NDST3: variants seen among roughly 807,000 people sequenced by gnomAD.
NDST3 encodes the protein N-deacetylase and N-sulfotransferase 3, also known as bifunctional heparan sulfate N-deacetylase/N-sulfotransferase 3.
A neutral mutation model predicts 96.1 loss-of-function variants in NDST3; 58 were observed. The ratio of observed to expected loss-of-function variants is 0.60; its 90% CI spans 0.49 to 0.75. The LOEUF is 0.75. NDST3 is among the 30% of genes least tolerant of loss of function. NDST3 has a pLI of 0.00. For missense variants in NDST3, 788 were observed against 1,034.2 expected, an observed-to-expected ratio of 0.76 and a Z score of 3.27; for synonymous variants, 333 against 359.7, an observed-to-expected ratio of 0.93 and a Z score of 0.84.
At chr4:118,088,654 G>T (rs1293453817) in intron 2 of NDST3, among the ~76,000 whole-genome samples, 1 of 151,998 alleles carries the variant, frequency 6.6e-6, no homozygotes, top group Admixed American at 6.6e-5. Flanking sequence ...TTAGTTCGGG[G>T]TAACTCTAAA....
chr4:118,057,030 A>G (rs981236290), intron 2 of NDST3, among the ~76,000 whole-genome samples: 2 of 152,012 alleles, frequency 1.3e-5, no homozygotes, highest in African/African-American at 4.8e-5. Context: ...AAGATGTAGC[A>G]GTAATTCAGA....
chr4:118,208,195 T>A lies in NDST3; in HGVS notation c.1540-16296T>A, dbSNP rs1327947603. 2.1e-5 allele frequency among the ~76,000 whole-genome samples: 3 copies of A among 143,988 alleles called. 1 individual carries two copies. The highest frequency in any genetic ancestry group is 4.6e-5 in the Non-Finnish European group (3 of 65,100). The allele number at this position is 143,988 out of a possible 152,430, so 94.5% of individuals were successfully genotyped here. ...TGTGAATCTACCACTGCAAAATTTT[T>A]AATAGATACATGGTTTAGTTACAGT... On this transcript the variant is annotated intron_variant, in intron 6 of 13. Transcript: ENST00000296499.
At chr4:118,055,045 A>C (rs778926473) in intron 2 of NDST3, 154 bp downstream of exon 2, 2 of 880,078 alleles carry the variant, frequency 2.3e-6, no homozygotes, top group Non-Finnish European at 3.7e-6. Flanking sequence ...AAATCAACTA[A>C]GAAGATTATG....
chr4:118,083,385 C>T (rs949711209), intron 2 of NDST3, among the ~76,000 whole-genome samples: 9 of 152,016 alleles, frequency 5.9e-5, no homozygotes, highest in South Asian at 2.1e-4. Context: ...ATACTTAATT[C>T]GATTTATTAT....
At position 118,114,971 on chromosome 4, in the gene NDST3, C is replaced by G. The variant is rs1560653433; in HGVS notation, c.1224+11C>G. On this transcript the variant is annotated intron_variant, in intron 4 of 13. Transcript: ENST00000296499. The stretch of plus-strand genomic sequence containing the variant: ...AAAAAATTTGCCTTAGTAAGTAACT[C>G]ACTTTGTTGCATTGAAGTAGTGTAC... The G allele has an allele frequency of 6.2e-7, 1 of 1,613,254 alleles. No homozygotes were observed. The highest frequency in any genetic ancestry group is 8.5e-7 in the Non-Finnish European group (1 of 1,179,280).
chr4:118,103,440 T>C (rs183142304), intron 2 of NDST3, among the ~76,000 whole-genome samples: 127 of 152,230 alleles, frequency 8.3e-4, no homozygotes, highest in African/African-American at 2.8e-3. Flanking sequence ...GAAGATATTA[T>C]AATTGTCAGC....
chr4:118,142,626 T>A (rs1457158996), intron 5 of NDST3, among the ~76,000 whole-genome samples: 1 of 152,080 alleles, frequency 6.6e-6, no homozygotes, highest in Non-Finnish European at 1.5e-5. Context: ...AGAAGACCTG[T>A]CCCTATATGA....
chr4:118,123,924 C>A (rs1731823629), intron 4 of NDST3, among the ~76,000 whole-genome samples: 1 of 152,060 alleles, frequency 6.6e-6, no homozygotes, highest in Non-Finnish European at 1.5e-5. Flanking sequence ...TTTTATAGCC[C>A]TTTTTCAGTA....
intron 2 of NDST3, among the ~76,000 whole-genome samples, chr4:118,100,126 A>C (rs1057511860): frequency 1.3e-5 from 2 of 152,000 alleles, no homozygotes; most frequent in African/African-American, 4.8e-5. Flanking sequence ...TAAGCTTTTG[A>C]ATTGGTGAGC....
intron 6 of NDST3, among the ~76,000 whole-genome samples, chr4:118,222,435 A>C (rs1280362963): frequency 6.6e-6 from 1 of 152,030 alleles, no homozygotes; most frequent in Non-Finnish European, 1.5e-5. Flanking sequence ...GAAATGTATT[A>C]TGCCTGACAA....
At chr4:118,108,246 C>A (rs929548156) in intron 3 of NDST3, among the ~76,000 whole-genome samples, 1 of 152,172 alleles carries the variant, frequency 6.6e-6, no homozygotes, top group Non-Finnish European at 1.5e-5. Flanking sequence ...GCCAAACCAT[C>A]TCAGTGAAGA....
chr4:118,222,773 T>G (rs1739636109), intron 6 of NDST3, among the ~76,000 whole-genome samples: 1 of 152,028 alleles, frequency 6.6e-6, no homozygotes, highest in Non-Finnish European at 1.5e-5. Flanking sequence ...CCATCTGTCT[T>G]TATCAGAAAG....
At chr4:118,118,741 G>A (rs1731312362) in intron 4 of NDST3, among the ~76,000 whole-genome samples, 1 of 151,864 alleles carries the variant, frequency 6.6e-6, no homozygotes, top group African/African-American at 2.4e-5. Context: ...TTTCAACAGG[G>A]GATTTTTTTT....
chr4:118,187,490 G>C (rs887738982), intron 6 of NDST3, among the ~76,000 whole-genome samples: 2 of 152,152 alleles, frequency 1.3e-5, no homozygotes, highest in Non-Finnish European at 2.9e-5. Context: ...GTTTTTGATT[G>C]ACTATGAAGG....
At chr4:118,129,742 G>A (rs1202287104) in intron 4 of NDST3, among the ~76,000 whole-genome samples, 1 of 151,910 alleles carries the variant, frequency 6.6e-6, no homozygotes, top group Non-Finnish European at 1.5e-5. Context: ...ATTTTTTGTT[G>A]AGTTCCTGTC....
At chr4:118,106,830 C>T (rs1578649685) in intron 3 of NDST3, among the ~76,000 whole-genome samples, 1 of 152,068 alleles carries the variant, frequency 6.6e-6, no homozygotes, top group African/African-American at 2.4e-5. Flanking sequence ...GTGGCTCATG[C>T]CTGTAATCCC....
At position 118,037,275 on chromosome 4, in the gene NDST3, A is replaced by C. The variant is rs114928782; in HGVS notation, c.-156+2683A>C. Among the ~76,000 whole-genome samples, 1,044 of 152,300 alleles carry C rather than the reference A, an allele frequency of 6.9e-3. 5 individuals are homozygous for C. The highest frequency in any genetic ancestry group is 0.024 in the African/African-American group (983 of 41,554). On this transcript the variant is annotated intron_variant, in intron 1 of 13. Transcript: ENST00000296499. ...TTGTCTAGATTTCTGCTAAGTAGAGATGTTACAGTTTTTACTCATAGAATA... is the reference window on the plus strand; with the variant it reads ...TTGTCTAGATTTCTGCTAAGTAGAGCTGTTACAGTTTTTACTCATAGAATA...
chr4:118,064,769 C>A (rs1291069741), intron 2 of NDST3, among the ~76,000 whole-genome samples: 1 of 152,134 alleles, frequency 6.6e-6, no homozygotes, highest in Non-Finnish European at 1.5e-5. Context: ...TTTTGCATTT[C>A]TGAAGGTCAG....
intron 2 of NDST3, among the ~76,000 whole-genome samples, chr4:118,085,521 A>G (rs1228400869): frequency 6.6e-6 from 1 of 152,242 alleles, no homozygotes; most frequent in African/African-American, 2.4e-5. Flanking sequence ...ATCAATGAAC[A>G]CAATATGCAG....
Sources: allele counts gnomAD v4.1 joint callset (sites outside exome capture counted in the v4.1 genomes callset), GRCh38; gene constraint gnomAD v4.1.1; transcripts MANE v1.5; gene names NCBI Gene and HGNC (gene_info 2026-07-23, HGNC 2026-07-21).